The following SNCB variants were observed in gnomAD, a reference collection of about 807,000 sequenced individuals.
SNCB encodes synuclein beta, also known as beta-synuclein.
Under a neutral mutation model 20.0 loss-of-function variants are expected in SNCB, and 8 were observed. The observed-to-expected ratio is 0.40, with a 90% CI of 0.24 to 0.72. SNCB has a LOEUF of 0.72. Ranked by LOEUF, SNCB falls within the 30% of genes least tolerant of loss-of-function variation. The pLI, the probability that SNCB is intolerant of heterozygous loss-of-function variation, is 0.37. For missense variants in SNCB, 125 were observed against 168.0 expected, an observed-to-expected ratio of 0.74 and a Z score of 1.41; for synonymous variants, 56 against 65.4, an observed-to-expected ratio of 0.86 and a Z score of 0.69.
At position 176,621,160 on chromosome 5, in the gene SNCB, G is replaced by A. The variant is rs961444969; in HGVS notation, c.372+54C>T. On this transcript the variant is annotated intron_variant, in intron 5 of 5. Coordinates refer to ENST00000393693, the MANE Select transcript of SNCB (RefSeq NM_003085.5). The surrounding 1 kb of genome is among the most constrained non-coding windows in gnomAD (Gnocchi z 4.1). ...GGGATGTCCCACCCCAGCTAGGGACGGCAGCAATCATCCTGGATTCCCAAA... is the reference window on the plus strand; with the variant it reads ...GGGATGTCCCACCCCAGCTAGGGACAGCAGCAATCATCCTGGATTCCCAAA... 18 of 1,396,416 alleles carry A rather than the reference G, an allele frequency of 1.3e-5. No individual in the cohort carries two copies. The highest frequency in any genetic ancestry group is 1.8e-4 in the Middle Eastern group (1 of 5,432). 86.5% of individuals were successfully genotyped at this position (1,396,416 alleles called of 1,614,324 possible). A position where few individuals can be genotyped will look rare whatever the true frequency, so the allele number is the denominator to read the frequency against.
rs1464322169 is a variant in SNCB at position 176,621,886 on chromosome 5, G to A, written c.283-583C>T. 1.3e-5 allele frequency among the ~76,000 whole-genome samples: 2 copies of A among 152,256 alleles called. No individual in the cohort carries two copies. The highest frequency in any genetic ancestry group is 2.9e-5 in the Non-Finnish European group (2 of 68,048). On this transcript the variant is annotated intron_variant, in intron 4 of 5. Coordinates refer to ENST00000393693, the MANE Select transcript of SNCB (RefSeq NM_003085.5). The surrounding 1 kb of genome is among the most constrained non-coding windows in gnomAD (Gnocchi z 4.1). ...ACCCGCTGCGTCTGCTGCCCAGACA[G>A]GCGCAGACCAGCGGGCATGCATGTG...
rs1760195206 is a variant in SNCB, at chr5:176,629,467, G to A, written c.121+67C>T. 3 of 1,549,416 alleles carry A rather than the reference G, an allele frequency of 1.9e-6. No homozygotes were observed. Among genetic ancestry groups the A allele is most frequent in the South Asian group, 1.2e-5 (1 of 86,242 alleles). ...CCCAGAACCCCCCTCCCCGGGACCC[G>A]GCCCCAGCTCCACACTGTCGGGGGA... is the stretch of plus-strand genomic sequence containing the variant. On this transcript the variant is annotated intron_variant, in intron 2 of 5. Coordinates refer to ENST00000393693, the MANE Select transcript of SNCB (RefSeq NM_003085.5). This position sits in a 1 kb window ranked among gnomAD's most constrained non-coding sequence, Gnocchi z 4.1.
chr5:176,626,349 TG>T lies in SNCB; in HGVS notation c.282+48del. ...TTTGTGTGCCTGGTGTGTGTGTGTG[TG>T]TGTGTGTGTGTGTTTGCCTGCATGT... is the stretch of plus-strand genomic sequence containing the variant. On this transcript the variant is annotated intron_variant, in intron 4 of 5. Transcript: ENST00000393693. This position sits in a 1 kb window ranked among gnomAD's most constrained non-coding sequence, Gnocchi z 4.2. 9.4e-7 allele frequency: 1 copy of T among 1,067,964 alleles called. No homozygotes were observed. Among genetic ancestry groups the T allele is most frequent in the Non-Finnish European group, 1.5e-6 (1 of 684,496 alleles). 66.2% of individuals were successfully genotyped at this position (1,067,964 alleles called of 1,614,324 possible). A position where few individuals can be genotyped will look rare whatever the true frequency, so the allele number is the denominator to read the frequency against.
chr5:176,629,601 G>A lies in SNCB; in HGVS notation c.54C>T (p.Ala18=). Residue 18 remains alanine, a synonymous_variant, in exon 2 of 6, where the codon GCC becomes GCT. Transcript: ENST00000393693. The surrounding 1 kb of genome is among the most constrained non-coding windows in gnomAD (Gnocchi z 4.1). ...LSMAKEGVVA[A]AEKTKQGVTE... is the part of the protein sequence containing the mutation. ...TGACCCCCTGCTTGGTTTTCTCCGC[G>A]GCTGCCACAACGCCCTCCTTGGCCA... The A allele has an allele frequency of 1.2e-6, 2 of 1,613,562 alleles. No homozygotes were observed. Among genetic ancestry groups the A allele is most frequent in the Non-Finnish European group, 1.7e-6 (2 of 1,179,860 alleles).
chr5:176,620,702 AGGAAGATCTCGTGATTG>A lies in SNCB; in HGVS notation c.*92_*108del, dbSNP rs1368699633. ...TCCGAGGGGGTTGCCTCAGAGCGGA[AGGAAGATCTCGTGATTG>A]GGGAGAAGGAGTCTAAGGACAGCCC... On this transcript the variant is annotated 3_prime_UTR_variant, in exon 6 of 6. Transcript: ENST00000393693. This position sits in a 1 kb window ranked among gnomAD's most constrained non-coding sequence, Gnocchi z 4.5. 1.5e-5 allele frequency: 12 copies of A among 826,454 alleles called. No individual in the cohort carries two copies. The highest frequency in any genetic ancestry group is 2.6e-5 in the Non-Finnish European group (12 of 464,062). 51.2% of individuals were successfully genotyped at this position (826,454 alleles called of 1,614,324 possible).
At position 176,621,147 on chromosome 5, in the gene SNCB, C is replaced by T; in HGVS notation, c.372+67G>A. 7.7e-7 allele frequency: 1 copy of T among 1,300,622 alleles called. No homozygotes were observed. Among genetic ancestry groups the T allele is most frequent in the Non-Finnish European group, 1.1e-6 (1 of 913,566 alleles). 80.6% of individuals were successfully genotyped at this position (1,300,622 alleles called of 1,614,324 possible). A position where few individuals can be genotyped will look rare whatever the true frequency, so the allele number is the denominator to read the frequency against. On this transcript the variant is annotated intron_variant, in intron 5 of 5. Coordinates refer to ENST00000393693, the MANE Select transcript of SNCB (RefSeq NM_003085.5). The surrounding 1 kb of genome is among the most constrained non-coding windows in gnomAD (Gnocchi z 4.1). ...CCATCTCATGCCAGGGATGTCCCAC[C>T]CCAGCTAGGGACGGCAGCAATCATC...
intron 4 of SNCB, among the ~76,000 whole-genome samples, chr5:176,622,498 A>C (rs1759663846): frequency 6.6e-6 from 1 of 151,854 alleles, no homozygotes; most frequent in Non-Finnish European, 1.5e-5. Flanking sequence ...TCAACAAAAC[A>C]AAACAAAACA....
chr5:176,629,872 G>A lies in SNCB; in HGVS notation c.-9-209C>T, dbSNP rs532245110. ...CCTAGCGTCCTTGAAACCTGGGGACGCGGGAGGGGCCACTGCCTCGGTTAT... is the reference window on the plus strand; with the variant it reads ...CCTAGCGTCCTTGAAACCTGGGGACACGGGAGGGGCCACTGCCTCGGTTAT... On this transcript the variant is annotated intron_variant, in intron 1 of 5. Transcript: ENST00000393693. This position sits in a 1 kb window ranked among gnomAD's most constrained non-coding sequence, Gnocchi z 4.1. 93 of 598,086 alleles carry A rather than the reference G, an allele frequency of 1.6e-4. No individual in the cohort carries two copies. The African/African-American group carries it at 1.6e-3, about 11-fold the overall frequency. The allele number at this position is 598,086 out of a possible 1,614,324, so 37.0% of individuals were successfully genotyped here.
At chr5:176,622,811 A>G (rs186933176) in intron 4 of SNCB, among the ~76,000 whole-genome samples, 1,818 of 138,674 alleles carry the variant, frequency 0.013, 36 homozygotes, top group African/African-American at 0.047. Context: ...ATCTCGGCTC[A>G]CCGCAACCTC....
intron 1 of SNCB, 82 bp downstream of exon 1, chr5:176,630,198 C>T (rs1259465227): frequency 6.6e-6 from 1 of 152,518 alleles, no homozygotes; most frequent in Non-Finnish European, 1.5e-5. Context: ...ATTTTCCATC[C>T]CCTTCCCCAG....
chr5:176,629,464 C>A lies in SNCB; in HGVS notation c.121+70G>T. ...CTGCCCAGAACCCCCCTCCCCGGGA[C>A]CCGGCCCCAGCTCCACACTGTCGGG... On this transcript the variant is annotated intron_variant, in intron 2 of 5. Coordinates refer to ENST00000393693, the MANE Select transcript of SNCB (RefSeq NM_003085.5). This position sits in a 1 kb window ranked among gnomAD's most constrained non-coding sequence, Gnocchi z 4.1. 1 of 1,557,078 alleles carries A rather than the reference C, an allele frequency of 6.4e-7. No homozygotes were observed. The highest frequency in any genetic ancestry group is 8.8e-7 in the Non-Finnish European group (1 of 1,138,382).
chr5:176,624,724 T>C lies in SNCB; in HGVS notation c.282+1674A>G, dbSNP rs1288498412. On this transcript the variant is annotated intron_variant, in intron 4 of 5. Transcript: ENST00000393693. ...GGCTGAGGCAGGAGAATTGCTAGAA[T>C]CCAGGAGGCAGAGGTTGCAGTGAGC... Among the ~76,000 whole-genome samples, 2 of 140,920 alleles carry C rather than the reference T, an allele frequency of 1.4e-5. 1 individual carries two copies. 92.4% of individuals were successfully genotyped at this position (140,920 alleles called of 152,430 possible). A position where few individuals can be genotyped will look rare whatever the true frequency, so the allele number is the denominator to read the frequency against.
In SNCB at chr5:176,629,801, C is replaced by G; in HGVS notation, c.-9-138G>C. 1 of 1,220,742 alleles carries G rather than the reference C, an allele frequency of 8.2e-7. No homozygotes were observed. The highest frequency in any genetic ancestry group is 1.5e-5 in the South Asian group (1 of 64,868). 75.6% of individuals were successfully genotyped at this position (1,220,742 alleles called of 1,614,324 possible). A position where few individuals can be genotyped will look rare whatever the true frequency, so the allele number is the denominator to read the frequency against. ...CCTGAGCCCCCTCCCGCTTTCCCCC[C>G]ATCCCACCCCACTCCCCAGTGCGAA... On this transcript the variant is annotated intron_variant, in intron 1 of 5. Coordinates refer to ENST00000393693, the MANE Select transcript of SNCB (RefSeq NM_003085.5). This position sits in a 1 kb window ranked among gnomAD's most constrained non-coding sequence, Gnocchi z 4.1.
intron 4 of SNCB, among the ~76,000 whole-genome samples, chr5:176,624,709 G>A (rs925462822): frequency 9.9e-5 from 15 of 151,208 alleles, no homozygotes; most frequent in African/African-American, 3.4e-4. Context: ...GGCTGAGGCA[G>A]GAGAATTGCT....
At position 176,629,465 on chromosome 5, in the gene SNCB, C is replaced by T; in HGVS notation, c.121+69G>A. ...TGCCCAGAACCCCCCTCCCCGGGAC[C>T]CGGCCCCAGCTCCACACTGTCGGGG... On this transcript the variant is annotated intron_variant, in intron 2 of 5. Transcript: ENST00000393693. This position sits in a 1 kb window ranked among gnomAD's most constrained non-coding sequence, Gnocchi z 4.1. 1 of 1,563,180 alleles carries T rather than the reference C, an allele frequency of 6.4e-7. No homozygotes were observed. The highest frequency in any genetic ancestry group is 2.3e-5 in the East Asian group (1 of 43,340).
intron 2 of SNCB, among the ~76,000 whole-genome samples, chr5:176,627,374 G>A (rs907102584): frequency 6.6e-6 from 1 of 152,244 alleles, no homozygotes; most frequent in African/African-American, 2.4e-5. Flanking sequence ...TAGCGAGGGT[G>A]CAAACCCCTT....
In SNCB at chr5:176,626,351, T is replaced by G; in HGVS notation, c.282+47A>C. 2 of 1,075,314 alleles carry G rather than the reference T, an allele frequency of 1.9e-6. No homozygotes were observed. The highest frequency in any genetic ancestry group is 2.9e-6 in the Non-Finnish European group (2 of 690,524). 66.6% of individuals were successfully genotyped at this position (1,075,314 alleles called of 1,614,324 possible). ...TGTGTGCCTGGTGTGTGTGTGTGTG[T>G]GTGTGTGTGTGTTTGCCTGCATGTG... On this transcript the variant is annotated intron_variant, in intron 4 of 5. Transcript: ENST00000393693. This position sits in a 1 kb window ranked among gnomAD's most constrained non-coding sequence, Gnocchi z 4.2.
rs201027086 is a variant in SNCB at position 176,620,838 on chromosome 5, T to A, written c.378A>T (p.Glu126Asp). ...ACGCCTCTGGCTCATACTCCTGATA[T>A]TCCTCCTGCATCACCGGGATGGGGG... is the stretch of plus-strand genomic sequence containing the variant. ...GESYEDPPQE[E>D]YQEYEPEA The change falls in exon 6 of 6, where the codon GAA (glutamate) becomes GAT (aspartate). Residue 126 changes from glutamate to aspartate, a missense_variant. Coordinates refer to ENST00000393693, the MANE Select transcript of SNCB (RefSeq NM_003085.5). This position sits in a 1 kb window ranked among gnomAD's most constrained non-coding sequence, Gnocchi z 4.5. 1.6e-5 allele frequency: 26 copies of A among 1,613,780 alleles called. No individual in the cohort carries two copies. Among genetic ancestry groups the A allele is most frequent in the Non-Finnish European group, 1.8e-5 (21 of 1,179,754 alleles).
chr5:176,629,892 G>A lies in SNCB; in HGVS notation c.-9-229C>T, dbSNP rs112618459. ...GGGACGCGGGAGGGGCCACTGCCTCGGTTATCCGGGCCCTGCAAACTGCAG... is the reference window on the plus strand; with the variant it reads ...GGGACGCGGGAGGGGCCACTGCCTCAGTTATCCGGGCCCTGCAAACTGCAG... On this transcript the variant is annotated intron_variant, in intron 1 of 5. Coordinates refer to ENST00000393693, the MANE Select transcript of SNCB (RefSeq NM_003085.5). The surrounding 1 kb of genome is among the most constrained non-coding windows in gnomAD (Gnocchi z 4.1). The A allele has an allele frequency of 9.9e-3, 5,245 of 530,984 alleles. 236 individuals are homozygous for A. Among genetic ancestry groups the A allele is most frequent in the African/African-American group, 0.09 (4,667 of 52,002 alleles). 32.9% of individuals were successfully genotyped at this position (530,984 alleles called of 1,614,324 possible). A position where few individuals can be genotyped will look rare whatever the true frequency, so the allele number is the denominator to read the frequency against.
Sources: allele counts gnomAD v4.1 joint callset (sites outside exome capture counted in the v4.1 genomes callset), GRCh38; gene constraint gnomAD v4.1.1; non-coding constraint Gnocchi (gnomAD v3.1); transcripts MANE v1.5; gene names NCBI Gene and HGNC (gene_info 2026-07-23, HGNC 2026-07-21).